RFC5: variants seen among roughly 807,000 people sequenced by gnomAD.
The protein encoded by RFC5 is A1 36 kDa subunit.
RFC5 carries 26 observed loss-of-function variants against 44.3 expected under a neutral mutation model. The observed-to-expected ratio is 0.59, with a 90% confidence interval of 0.43 to 0.81. The LOEUF (loss-of-function observed/expected upper bound fraction) is 0.81. Among genes scored for constraint, RFC5 ranks in the 40% least tolerant of loss-of-function variants. The probability of loss-of-function intolerance (pLI) is 0.00; values close to 1 mark genes in which losing one functional copy is unlikely to be tolerated. For missense variants in RFC5, 328 were observed against 418.6 expected (o/e 0.78, Z 1.89); for synonymous variants, 155 against 155.2 (o/e 1.00, Z 0.01).
At chr12:118,018,836 G>A (rs970407916) in intron 1 of RFC5, among the ~76,000 whole-genome samples, 1 of 152,070 alleles carries the variant, frequency 6.6e-6, no homozygotes, top group Non-Finnish European at 1.5e-5. Context: ...CAGACACCCT[G>A]TTAGTTGTTC....
Position 118,019,981 on chromosome 12 carries a change from C to G in RFC5, c.267+213C>G, listed in dbSNP as rs1035292351. ...TAGAGGGCAGTTGTAGGGTTTGGCACCTTTTTCTTTGCTCTTGCCAACTTC... is the reference window on the plus strand; with the variant it reads ...TAGAGGGCAGTTGTAGGGTTTGGCAGCTTTTTCTTTGCTCTTGCCAACTTC... On this transcript the variant is annotated intron_variant, in intron 3 of 10. Coordinates refer to ENST00000454402, the MANE Select transcript of RFC5 (RefSeq NM_007370.7). This position sits in a 1 kb window ranked among gnomAD's most constrained non-coding sequence, Gnocchi z 4.2. Among the ~76,000 whole-genome samples the G allele has an allele frequency of 6.6e-6, 1 of 152,200 alleles. No individual in the cohort carries two copies. The highest frequency in any genetic ancestry group is 1.5e-5 in the Non-Finnish European group (1 of 68,034).
chr12:118,034,050 C>A, downstream of RFC5: 1 of 1,106,978 alleles, frequency 9.0e-7, no homozygotes, highest in Non-Finnish European at 1.3e-6. Flanking sequence ...GACTAGTACA[C>A]TGGAATCTGG....
downstream of RFC5, chr12:118,035,109 G>A: frequency 6.2e-7 from 1 of 1,613,814 alleles, no homozygotes; most frequent in East Asian, 2.2e-5. Context: ...TGGGGAGAGA[G>A]AACATCTGGA....
chr12:118,032,150 T>C lies in RFC5; in HGVS notation c.*872T>C, dbSNP rs2031359390. ...ACTCTTCCTTAGACAGCTAGAAAGATGCTGACTTTGTCAAACTTGCATTTA... is the reference window on the plus strand; with the variant it reads ...ACTCTTCCTTAGACAGCTAGAAAGACGCTGACTTTGTCAAACTTGCATTTA... On this transcript the variant is annotated 3_prime_UTR_variant, in exon 11 of 11. Transcript: ENST00000454402. 1 of 152,254 alleles carries C rather than the reference T, an allele frequency of 6.6e-6. No individual in the cohort carries two copies. The highest frequency in any genetic ancestry group is 2.4e-5 in the African/African-American group (1 of 41,482). The allele number at this position is 152,254 out of a possible 1,614,324, so 9.4% of individuals were successfully genotyped here. A position where few individuals can be genotyped will look rare whatever the true frequency, so the allele number is the denominator to read the frequency against.
chr12:118,034,106 G>A, downstream of RFC5: 2 of 1,523,372 alleles, frequency 1.3e-6, no homozygotes, highest in Non-Finnish European at 1.8e-6. Flanking sequence ...CTATTTCAAT[G>A]CAAGACCAGA....
At chr12:118,038,327 T>C in the RFC5 span, 1 of 1,614,154 alleles carries the variant, frequency 6.2e-7, no homozygotes, top group African/African-American at 1.3e-5. Flanking sequence ...TGCTGCAGTC[T>C]GGGGAGATGG....
intron 9 of RFC5, among the ~76,000 whole-genome samples, chr12:118,029,346 A>C (rs2031166131): frequency 6.6e-6 from 1 of 152,110 alleles, no homozygotes; most frequent in Non-Finnish European, 1.5e-5. Flanking sequence ...CAAGCCCAAG[A>C]GGTCAAGGCT....
In RFC5 at chr12:118,029,835, T is replaced by C. The variant is rs1398169320; in HGVS notation, c.926+10T>C. ...AAATGGCAGACATTGAGTGAGTACT[T>C]CTTGCCCCAGTTTTAATTCTTTTCT... is the stretch of plus-strand genomic sequence containing the variant. On this transcript the variant is annotated intron_variant, in intron 10 of 10. Coordinates refer to ENST00000454402, the MANE Select transcript of RFC5 (RefSeq NM_007370.7). The C allele has an allele frequency of 6.4e-7, 1 of 1,573,380 alleles. No homozygotes were observed. Among genetic ancestry groups the C allele is most frequent in the Admixed American group, 1.7e-5 (1 of 59,982 alleles).
chr12:118,027,868 A>C (rs2031058929), intron 8 of RFC5, 85 bp from the exon 9 acceptor site: 7 of 812,176 alleles, frequency 8.6e-6, no homozygotes, highest in Non-Finnish European at 1.3e-5. Context: ...TACTTTAAAA[A>C]GTCTCTTGCC....
At chr12:118,038,274 C>G in the RFC5 span, 3 of 1,608,806 alleles carry the variant, frequency 1.9e-6, no homozygotes, top group Non-Finnish European at 1.7e-6. Flanking sequence ...AAAGCAATAA[C>G]GCTGGAGACT....
At chr12:118,035,012 A>C, downstream of RFC5, 1 of 1,614,196 alleles carries the variant, frequency 6.2e-7, no homozygotes, top group South Asian at 1.1e-5. Context: ...CACCATGTGG[A>C]AAAAATGTGC....
At chr12:118,022,558 G>A (rs1344139400) in intron 5 of RFC5, among the ~76,000 whole-genome samples, 199 bp downstream of exon 5, 1 of 151,904 alleles carries the variant, frequency 6.6e-6, no homozygotes, top group East Asian at 1.9e-4. Flanking sequence ...TCTGCCTCCT[G>A]GGTTCAAGCG....
downstream of RFC5, chr12:118,034,904 C>A: frequency 7.4e-7 from 1 of 1,358,246 alleles, no homozygotes; most frequent in South Asian, 1.3e-5. Flanking sequence ...CAAGAAAATT[C>A]TAGATGGTTT....
At chr12:118,018,734 G>A (rs557951093) in intron 1 of RFC5, among the ~76,000 whole-genome samples, 4 of 152,150 alleles carry the variant, frequency 2.6e-5, no homozygotes, top group South Asian at 2.1e-4. Context: ...CCCAGCCTTC[G>A]GGGTAGCTGG....
At chr12:118,021,608 T>C (rs1052187277) in intron 4 of RFC5, among the ~76,000 whole-genome samples, 3 of 149,420 alleles carry the variant, frequency 2.0e-5, no homozygotes, top group Admixed American at 6.7e-5. Context: ...TAAAAATAAA[T>C]TGAGATCAGG....
At chr12:118,029,146 A>G (rs2031152448) in intron 9 of RFC5, among the ~76,000 whole-genome samples, 1 of 152,260 alleles carries the variant, frequency 6.6e-6, no homozygotes, top group African/African-American at 2.4e-5. Context: ...CAGGATCGGT[A>G]TAGTGGCTGA....
chr12:118,031,176 T>C lies in RFC5; in HGVS notation c.927-6T>C. 3 of 1,609,124 alleles carry C rather than the reference T, an allele frequency of 1.9e-6. No individual in the cohort carries two copies. The East Asian group carries it at 6.7e-5, about 36-fold the overall frequency. On this transcript the variant is annotated splice_polypyrimidine_tract_variant and splice_region_variant and intron_variant, in intron 10 of 10. Coordinates refer to ENST00000454402, the MANE Select transcript of RFC5 (RefSeq NM_007370.7). ...TTTTTCTTACCCTGTGTTTGGTTTC[T>C]GTTAGGTACAGGCTTTCTGTTGGCA... is the stretch of plus-strand genomic sequence containing the variant.
At chr12:118,033,991 T>C, downstream of RFC5, 1 of 646,916 alleles carries the variant, frequency 1.5e-6, no homozygotes, top group Non-Finnish European at 2.6e-6. Flanking sequence ...GCAAGTGGAA[T>C]CTCTTCCTCT....
At chr12:118,039,493 G>T in the RFC5 span, among the ~76,000 whole-genome samples, 2 of 152,094 alleles carry the variant, frequency 1.3e-5, no homozygotes, top group Non-Finnish European at 2.9e-5. Flanking sequence ...GAATGCAAAC[G>T]TGTGTGCACA....
Sources: gnomAD v4.1 joint callset for allele counts (sites outside exome capture counted in the v4.1 genomes callset) on GRCh38, gnomAD v4.1.1 for gene constraint, Gnocchi (gnomAD v3.1) non-coding constraint, MANE v1.5 for transcripts, NCBI Gene and HGNC (gene_info 2026-07-23, HGNC 2026-07-21) for gene names.